Variants in CDC14A observed in about 807,000 individuals in gnomAD.
The protein encoded by CDC14A is dual specificity protein phosphatase CDC14A.
In CDC14A, 53 loss-of-function variants were observed where a neutral mutation model predicts 74.4. The ratio of observed to expected loss-of-function variants is 0.71; its 90% CI spans 0.57 to 0.89. The LOEUF (loss-of-function observed/expected upper bound fraction) is 0.89, where lower values mean the gene tolerates loss of function less well. Among genes scored for constraint, CDC14A ranks in the 40% least tolerant of loss-of-function variants. CDC14A has a pLI of 0.00. For synonymous variants in CDC14A, 247 were observed against 258.4 expected (o/e 0.96, Z 0.43); for missense variants, 646 against 713.7 (o/e 0.91, Z 1.08).
chr1:100,504,781 C>T, intron 15 of CDC14A: 1 of 1,489,868 alleles, frequency 6.7e-7, no homozygotes, highest in Non-Finnish European at 9.0e-7. Context: ...CCAGCATTTA[C>T]CTTGCTTATT....
At chr1:100,434,617 C>T (rs1664102042) in intron 5 of CDC14A, among the ~76,000 whole-genome samples, 3 of 152,094 alleles carry the variant, frequency 2.0e-5, no homozygotes, top group Admixed American at 2.0e-4. Flanking sequence ...ACCAATGGTG[C>T]ATAGTGAGGG....
chr1:100,500,587 G>A (rs1164017452), intron 15 of CDC14A, among the ~76,000 whole-genome samples: 5 of 151,658 alleles, frequency 3.3e-5, no homozygotes, highest in South Asian at 2.1e-4. Flanking sequence ...GTGAAACCCC[G>A]TCTCTACAAA....
At chr1:100,511,793 C>G (rs1363827642) in intron 15 of CDC14A, among the ~76,000 whole-genome samples, 1 of 152,162 alleles carries the variant, frequency 6.6e-6, no homozygotes, top group African/African-American at 2.4e-5. Flanking sequence ...ATCGCATAGC[C>G]CTTTCTGTCT....
At chr1:100,420,035 C>T (rs975761606) in intron 4 of CDC14A, among the ~76,000 whole-genome samples, 28 of 13,490 alleles carry the variant, frequency 2.1e-3, no homozygotes, top group East Asian at 7.2e-3. Context: ...CATATATACA[C>T]ACACACACAC....
intron 5 of CDC14A, among the ~76,000 whole-genome samples, chr1:100,424,567 T>C (rs1322530653): frequency 2.0e-5 from 3 of 152,212 alleles, no homozygotes; most frequent in African/African-American, 7.2e-5. Context: ...AAAAAGTGCC[T>C]CATTTATAAG....
chr1:100,392,070 G>A (rs1008972518), intron 4 of CDC14A, among the ~76,000 whole-genome samples: 4 of 152,130 alleles, frequency 2.6e-5, no homozygotes, highest in East Asian at 1.9e-4. Flanking sequence ...TTCCTTATCC[G>A]CAAAATGAGA....
intron 4 of CDC14A, among the ~76,000 whole-genome samples, chr1:100,408,419 T>G (rs1411192604): frequency 6.6e-6 from 1 of 152,194 alleles, no homozygotes; most frequent in Admixed American, 6.5e-5. Flanking sequence ...TTATATTCCT[T>G]TAGGTATATA....
At chr1:100,370,846 A>G (rs1557688425) in intron 2 of CDC14A, among the ~76,000 whole-genome samples, 1 of 152,186 alleles carries the variant, frequency 6.6e-6, no homozygotes, top group Non-Finnish European at 1.5e-5. Flanking sequence ...TCTGTGAAAA[A>G]TGATACTGGT....
intron 10 of CDC14A, among the ~76,000 whole-genome samples, chr1:100,470,236 C>G (rs1310250642): frequency 6.6e-6 from 1 of 151,966 alleles, no homozygotes; most frequent in Non-Finnish European, 1.5e-5. Context: ...AAAAATTTGA[C>G]AAAGTTTAGT....
intron 2 of CDC14A, among the ~76,000 whole-genome samples, chr1:100,374,823 A>C (rs1414045065): frequency 1.3e-5 from 2 of 152,212 alleles, no homozygotes; most frequent in Non-Finnish European, 2.9e-5. Context: ...GTTGGTATTT[A>C]GTAAATTTGT....
intron 3 of CDC14A, among the ~76,000 whole-genome samples, chr1:100,385,504 A>G (rs966375528): frequency 2.0e-5 from 3 of 152,236 alleles, no homozygotes; most frequent in Non-Finnish European, 2.9e-5. Context: ...TCTTAGTACT[A>G]TTGACCAATT....
intron 11 of CDC14A, chr1:100,484,757 A>C: frequency 1.0e-6 from 1 of 999,412 alleles, no homozygotes; most frequent in Non-Finnish European, 1.2e-6. Context: ...TCAAGAAGAA[A>C]AATTTTAATG....
Position 100,518,312 on chromosome 1 carries a change from T to A in CDC14A, c.*32T>A. 6.3e-7 allele frequency: 1 copy of A among 1,582,138 alleles called. No individual in the cohort carries two copies. The highest frequency in any genetic ancestry group is 8.7e-7 in the Non-Finnish European group (1 of 1,151,994). On this transcript the variant is annotated 3_prime_UTR_variant, in exon 16 of 16. Transcript: ENST00000336454. ...GCCACTCCAGTGAAAGCTGTTCTTCTCTTAGACACAATTTCTTCATCTGGA... is the reference window on the plus strand; with the variant it reads ...GCCACTCCAGTGAAAGCTGTTCTTCACTTAGACACAATTTCTTCATCTGGA...
chr1:100,394,408 ACACC>A (rs1159974104), intron 4 of CDC14A, among the ~76,000 whole-genome samples: 2 of 152,144 alleles, frequency 1.3e-5, no homozygotes, highest in Non-Finnish European at 2.9e-5. Context: ...GTGAGACACC[ACACC>A]CAACCTCTTC....
rs1477527819 is a variant in CDC14A at position 100,362,618 on chromosome 1, A to G, written c.140+8766A>G. ...AATTCACATTACTGAAGCAAAGTAG[A>G]GCTGTGAATAATTCTTTTTAAAGCT... On this transcript the variant is annotated intron_variant, in intron 2 of 15. Transcript: ENST00000336454. Among the ~76,000 whole-genome samples the G allele has an allele frequency of 7.2e-5, 11 of 152,322 alleles. No homozygotes were observed. In the South Asian group the frequency reaches 1.9e-3, roughly 26 times the overall value.
chr1:100,403,011 T>C (rs1472247422), intron 4 of CDC14A, among the ~76,000 whole-genome samples: 1 of 152,204 alleles, frequency 6.6e-6, no homozygotes, highest in Admixed American at 6.5e-5. Context: ...GTGGTTGTTC[T>C]CATGTTTACT....
intron 10 of CDC14A, chr1:100,480,982 C>T (rs1379854827): frequency 6.6e-6 from 1 of 152,158 alleles, no homozygotes; most frequent in African/African-American, 2.4e-5. Flanking sequence ...GTGAATCTTC[C>T]ACTTGTACCA....
chr1:100,393,416 T>C, intron 4 of CDC14A: 1 of 800,660 alleles, frequency 1.2e-6, no homozygotes, highest in Admixed American at 1.7e-5. Context: ...TAATGCCATT[T>C]TTTTGACCAG....
chr1:100,450,245 C>T (rs762815641), intron 7 of CDC14A, among the ~76,000 whole-genome samples: 22 of 152,148 alleles, frequency 1.4e-4, no homozygotes, highest in Non-Finnish European at 2.9e-4. Context: ...TTTGTTAGGC[C>T]TCCTGTCTCT....
Sources: allele counts gnomAD v4.1 joint callset (sites outside exome capture counted in the v4.1 genomes callset), GRCh38; gene constraint gnomAD v4.1.1; transcripts MANE v1.5; gene names NCBI Gene and HGNC (gene_info 2026-07-23, HGNC 2026-07-21).